Variants in LRMDA observed in about 807,000 individuals in gnomAD.
The protein encoded by LRMDA is leucine rich melanocyte differentiation associated.
LRMDA carries 18 observed loss-of-function variants against 29.8 expected under a neutral mutation model. The ratio of observed to expected loss-of-function variants is 0.60; its 90% CI spans 0.42 to 0.90. The LOEUF is 0.90. Ranked by LOEUF, LRMDA falls within the 40% of genes least tolerant of loss-of-function variation. LRMDA has a pLI of 0.00. For synonymous variants in LRMDA, 125 were observed against 109.4 expected (o/e 1.14, Z -0.89); for missense variants, 273 against 273.9 (o/e 1.00, Z 0.02).
chr10:75,586,344 C>CTT (rs748097971), intron 2 of LRMDA, among the ~76,000 whole-genome samples: 2,740 of 28,876 alleles, frequency 0.095, 213 homozygotes, highest in East Asian at 0.2. Flanking sequence ...ACCAACACGT[C>CTT]TTTTTTTTTT....
chr10:76,414,958 G>A (rs1026062229), intron 6 of LRMDA, among the ~76,000 whole-genome samples: 1 of 152,226 alleles, frequency 6.6e-6, no homozygotes, highest in African/African-American at 2.4e-5. Context: ...AGGAGAGCGA[G>A]GCTTCATAAG....
chr10:75,433,591 G>A (rs1844230474), intron 1 of LRMDA, among the ~76,000 whole-genome samples: 1 of 152,058 alleles, frequency 6.6e-6, no homozygotes, highest in Admixed American at 6.5e-5. Flanking sequence ...TGCTCCCAGC[G>A]ATTTCTAATG....
intron 6 of LRMDA, among the ~76,000 whole-genome samples, chr10:76,343,100 G>T (rs1422771981): frequency 1.3e-5 from 2 of 152,196 alleles, no homozygotes; most frequent in Admixed American, 1.3e-4. Flanking sequence ...GAAGAGATGT[G>T]CAGATAGGCT....
At chr10:75,825,689 T>G (rs1452427795) in intron 2 of LRMDA, among the ~76,000 whole-genome samples, 1 of 152,226 alleles carries the variant, frequency 6.6e-6, no homozygotes, top group Non-Finnish European at 1.5e-5. Context: ...TCTTGTGTAG[T>G]AAGCTACAGA....
chr10:76,209,881 T>C (rs1379783645), intron 5 of LRMDA, among the ~76,000 whole-genome samples: 1 of 152,148 alleles, frequency 6.6e-6, no homozygotes, highest in Admixed American at 6.5e-5. Flanking sequence ...AGGGAATATT[T>C]TGAAAGCATT....
chr10:75,454,119 A>G lies in LRMDA; in HGVS notation c.131+15625A>G, dbSNP rs1844489193. 1.3e-5 allele frequency among the ~76,000 whole-genome samples: 2 copies of G among 152,210 alleles called. 1 individual carries two copies. The highest frequency in any genetic ancestry group is 4.1e-4 in the South Asian group (2 of 4,824). On this transcript the variant is annotated intron_variant, in intron 2 of 6. Transcript: ENST00000611255. ...TGGATTCTTCTTGGCTTCTCTGTGT[A>G]GCATCCTTCCTCCTGGCTATAGGGC... is the stretch of plus-strand genomic sequence containing the variant.
intron 2 of LRMDA, among the ~76,000 whole-genome samples, chr10:75,936,137 T>G (rs1246134853): frequency 6.6e-6 from 1 of 152,146 alleles, no homozygotes; most frequent in African/African-American, 2.4e-5. Context: ...CCCGGTACAT[T>G]GAGTCCTACA....
intron 6 of LRMDA, among the ~76,000 whole-genome samples, chr10:76,448,168 G>A (rs1292895745): frequency 1.3e-5 from 2 of 152,038 alleles, no homozygotes; most frequent in African/African-American, 4.8e-5. Flanking sequence ...ATGTCAGTGT[G>A]TTGTCATCTA....
intron 6 of LRMDA, among the ~76,000 whole-genome samples, chr10:76,395,117 G>A (rs1305773128): frequency 2.0e-5 from 3 of 152,176 alleles, no homozygotes; most frequent in African/African-American, 7.2e-5. Context: ...ACACACTGCT[G>A]AGATTAAATA....
intron 5 of LRMDA, among the ~76,000 whole-genome samples, chr10:76,168,312 G>A (rs1850776674): frequency 6.6e-6 from 1 of 152,176 alleles, no homozygotes; most frequent in Non-Finnish European, 1.5e-5. Flanking sequence ...CACCACCTTA[G>A]TGGAAGCCCA....
intron 5 of LRMDA, among the ~76,000 whole-genome samples, chr10:76,148,144 G>C (rs1333182643): frequency 2.0e-5 from 3 of 152,226 alleles, no homozygotes; most frequent in African/African-American, 7.2e-5. Context: ...GGACCCACTT[G>C]AGGAGGCAGT....
intron 5 of LRMDA, among the ~76,000 whole-genome samples, chr10:76,117,025 CTGGGCAGTGA>C (rs1849679101): frequency 2.6e-5 from 4 of 152,152 alleles, no homozygotes. Context: ...AGAACCTGGG[CTGGGCAGTGA>C]CCAGCCCCCT....
At chr10:75,689,954 ATT>A (rs201041979) in intron 2 of LRMDA, among the ~76,000 whole-genome samples, 1 of 149,000 alleles carries the variant, frequency 6.7e-6, no homozygotes, top group Non-Finnish European at 1.5e-5. Context: ...TTGGTTGTAA[ATT>A]TTTTTTTTTG....
intron 5 of LRMDA, among the ~76,000 whole-genome samples, chr10:76,311,605 T>C (rs1240673329): frequency 2.0e-5 from 3 of 152,220 alleles, no homozygotes; most frequent in Admixed American, 1.3e-4. Flanking sequence ...TTTAATACCA[T>C]GTTCATTTCA....
intron 6 of LRMDA, among the ~76,000 whole-genome samples, chr10:76,358,422 C>T (rs927903883): frequency 6.6e-6 from 1 of 152,182 alleles, no homozygotes; most frequent in African/African-American, 2.4e-5. Flanking sequence ...AGCGTTTCCT[C>T]TTGGCATTAA....
chr10:76,269,100 C>T (rs539160132), intron 5 of LRMDA, among the ~76,000 whole-genome samples: 1 of 152,134 alleles, frequency 6.6e-6, no homozygotes, highest in South Asian at 2.1e-4. Flanking sequence ...GTTTGCTGCT[C>T]CCGGGGTCGT....
chr10:75,469,542 G>C (rs1463906751), intron 2 of LRMDA, among the ~76,000 whole-genome samples: 1 of 151,814 alleles, frequency 6.6e-6, no homozygotes, highest in Non-Finnish European at 1.5e-5. Flanking sequence ...GCTAAGGTGG[G>C]TGTGCAAGTG....
chr10:76,271,110 G>A (rs1398128502), intron 5 of LRMDA, among the ~76,000 whole-genome samples: 4 of 152,252 alleles, frequency 2.6e-5, no homozygotes, highest in African/African-American at 9.6e-5. Context: ...AGATCCATAT[G>A]TAATCAAGAA....
At chr10:75,664,715 A>C (rs933485433) in intron 2 of LRMDA, among the ~76,000 whole-genome samples, 2 of 152,170 alleles carry the variant, frequency 1.3e-5, no homozygotes, top group Admixed American at 6.5e-5. Context: ...TAAAGGCAAA[A>C]ATGCCTGAAA....
Sources: gnomAD v4.1 joint callset for allele counts (sites outside exome capture counted in the v4.1 genomes callset) on GRCh38, gnomAD v4.1.1 for gene constraint, MANE v1.5 for transcripts, NCBI Gene and HGNC (gene_info 2026-07-23, HGNC 2026-07-21) for gene names.